The following SUSD5 variants were observed in gnomAD, a reference collection of about 807,000 sequenced individuals.
The protein encoded by SUSD5 is sushi domain-containing protein 5.
SUSD5 carries 33 observed loss-of-function variants against 29.5 expected under a neutral mutation model. That is an observed-to-expected ratio of 1.12 (90% CI 0.85 to 1.49). The LOEUF (loss-of-function observed/expected upper bound fraction) is 1.49. Among genes scored for constraint, SUSD5 ranks in the 40% most tolerant of loss-of-function variants. The probability of loss-of-function intolerance (pLI) is 0.00; values close to 1 mark genes in which losing one functional copy is unlikely to be tolerated. For missense variants in SUSD5, 776 were observed against 800.6 expected, an observed-to-expected ratio of 0.97 and a Z score of 0.37; for synonymous variants, 308 against 325.3, an observed-to-expected ratio of 0.95 and a Z score of 0.57.
intron 4 of SUSD5, among the ~76,000 whole-genome samples, chr3:33,154,361 A>G (rs1202214213): frequency 6.6e-6 from 1 of 152,106 alleles, no homozygotes; most frequent in Non-Finnish European, 1.5e-5. Context: ...CATCTCTAAT[A>G]AAATACAAAA....
At chr3:33,177,527 G>A (rs2031577835) in intron 3 of SUSD5, among the ~76,000 whole-genome samples, 1 of 151,408 alleles carries the variant, frequency 6.6e-6, no homozygotes, top group Admixed American at 6.6e-5. Context: ...TTGTTTTTTT[G>A]AGATAGGGTC....
rs963343091 is a variant in SUSD5 at position 33,204,261 on chromosome 3, C to G, written c.409+3547G>C. Among the ~76,000 whole-genome samples, 2 of 152,110 alleles carry G rather than the reference C, an allele frequency of 1.3e-5. No individual in the cohort carries two copies. The highest frequency in any genetic ancestry group is 2.9e-5 in the Non-Finnish European group (2 of 68,018). ...CAAACTTCTGGGCTCAAGTTATCCT[C>G]CAAAGTGTTGGGACTACAGGCATAA... On this transcript the variant is annotated intron_variant, in intron 3 of 4. Transcript: ENST00000309558. The surrounding 1 kb of genome is among the most constrained non-coding windows in gnomAD (Gnocchi z 4.5).
intron 4 of SUSD5, among the ~76,000 whole-genome samples, chr3:33,169,720 A>G (rs1026784082): frequency 2.6e-5 from 4 of 152,076 alleles, no homozygotes; most frequent in Non-Finnish European, 5.9e-5. Context: ...GAAGGGAAAA[A>G]CAAAAGCTGT....
intron 4 of SUSD5, among the ~76,000 whole-genome samples, chr3:33,164,598 T>C (rs2031266052): frequency 6.6e-6 from 1 of 152,202 alleles, no homozygotes; most frequent in Non-Finnish European, 1.5e-5. Context: ...GCAACTTACC[T>C]AACAGAAGAC....
At chr3:33,213,444 A>G (rs947536731) in intron 2 of SUSD5, among the ~76,000 whole-genome samples, 3 of 152,180 alleles carry the variant, frequency 2.0e-5, no homozygotes, top group African/African-American at 7.2e-5. Context: ...AAGTAAGGGG[A>G]TAAAAGAACT....
rs768025399 is a variant in SUSD5, at chr3:33,153,542, T to C, written c.1090A>G (p.Ser364Gly). Residue 364 changes from serine to glycine, a missense_variant, in exon 5 of 5, where the codon AGC becomes GGC. By Grantham distance (56) the Ser-to-Gly change is moderately conservative. Transcript: ENST00000309558. ...TCTAACCAGGACTCATCACTGCTGC[T>C]CACCACTGGATCTCCTGCCTTGCTG... ...NDSKAGDPVV[S>G]SSDESWLDGY... 1.9e-6 allele frequency: 3 copies of C among 1,614,028 alleles called. No homozygotes were observed. Among genetic ancestry groups the C allele is most frequent in the East Asian group, 4.5e-5 (2 of 44,874 alleles).
intron 3 of SUSD5, among the ~76,000 whole-genome samples, chr3:33,184,328 T>C (rs1453792370): frequency 1.3e-5 from 2 of 152,174 alleles, no homozygotes; most frequent in African/African-American, 4.8e-5. Context: ...TAGGGTTTTT[T>C]CCTCTAGATT....
At chr3:33,193,857 G>T (rs1013000940) in intron 3 of SUSD5, among the ~76,000 whole-genome samples, 1 of 152,024 alleles carries the variant, frequency 6.6e-6, no homozygotes, top group Non-Finnish European at 1.5e-5. Context: ...AAACAAAAAC[G>T]ATAATAGCCC....
intron 3 of SUSD5, 111 bp downstream of exon 3, chr3:33,207,697 A>G: frequency 1.5e-6 from 1 of 646,588 alleles, no homozygotes; most frequent in Non-Finnish European, 2.6e-6. Flanking sequence ...TTCCTGATAA[A>G]CCATGTCTAG....
At chr3:33,213,441 G>C (rs149843454) in intron 2 of SUSD5, among the ~76,000 whole-genome samples, 11 of 152,146 alleles carry the variant, frequency 7.2e-5, no homozygotes, top group African/African-American at 2.6e-4. Context: ...ACAAAGTAAG[G>C]GGATAAAAGA....
intron 4 of SUSD5, among the ~76,000 whole-genome samples, chr3:33,160,468 T>A (rs2031161442): frequency 6.6e-6 from 1 of 151,186 alleles, no homozygotes; most frequent in African/African-American, 2.4e-5. Flanking sequence ...GGCAGGAGGA[T>A]CACTTGAGCC....
At chr3:33,175,181 T>C in intron 3 of SUSD5, 107 bp from the exon 4 acceptor site, 1 of 1,187,766 alleles carries the variant, frequency 8.4e-7, no homozygotes, top group Non-Finnish European at 1.2e-6. Flanking sequence ...CACCGTACCC[T>C]CAACTGTGAT....
At chr3:33,198,926 A>G (rs943412655) in intron 3 of SUSD5, among the ~76,000 whole-genome samples, 1 of 152,210 alleles carries the variant, frequency 6.6e-6, no homozygotes, top group Non-Finnish European at 1.5e-5. Context: ...CATGGGCTAC[A>G]GGAATGTGAA....
chr3:33,218,027 G>T (rs557834600), intron 1 of SUSD5, among the ~76,000 whole-genome samples: 5 of 152,318 alleles, frequency 3.3e-5, no homozygotes, highest in African/African-American at 9.6e-5. Flanking sequence ...CCAAGCAAAC[G>T]AACAAGAAGT....
intron 4 of SUSD5, among the ~76,000 whole-genome samples, chr3:33,172,692 G>A (rs994009725): frequency 6.6e-5 from 10 of 152,234 alleles, no homozygotes; most frequent in Admixed American, 6.5e-4. Flanking sequence ...GTCCCAGTCT[G>A]TAACTTGTTA....
intron 3 of SUSD5, among the ~76,000 whole-genome samples, chr3:33,175,608 T>C (rs550148396): frequency 1.6e-4 from 25 of 152,122 alleles, no homozygotes; most frequent in Admixed American, 4.6e-4. Flanking sequence ...CACACATATA[T>C]ACAAATACAT....
rs565021360 is a variant in SUSD5, at chr3:33,167,622, T to C, written c.598+7264A>G. Among the ~76,000 whole-genome samples the C allele has an allele frequency of 6.6e-6, 1 of 152,324 alleles. No homozygotes were observed. Among genetic ancestry groups the C allele is most frequent in the African/African-American group, 2.4e-5 (1 of 41,574 alleles). ...CTGACTTAAAAACAGGTTGTCAGTA[T>C]ATCACAGTTTCCCCAAAACCTCAAA... On this transcript the variant is annotated intron_variant, in intron 4 of 4. Transcript: ENST00000309558. This position sits in a 1 kb window ranked among gnomAD's most constrained non-coding sequence, Gnocchi z 4.1.
At chr3:33,211,547 T>C (rs2032324066) in intron 2 of SUSD5, among the ~76,000 whole-genome samples, 1 of 152,234 alleles carries the variant, frequency 6.6e-6, no homozygotes, top group African/African-American at 2.4e-5. Flanking sequence ...TAGCCTCAGT[T>C]GTCCCTTTAT....
chr3:33,156,823 A>T (rs1401251205), intron 4 of SUSD5, among the ~76,000 whole-genome samples: 1 of 152,210 alleles, frequency 6.6e-6, no homozygotes, highest in Admixed American at 6.5e-5. Flanking sequence ...CAGAGTTATA[A>T]ATAAAAGTTA....
Sources: allele counts gnomAD v4.1 joint callset (sites outside exome capture counted in the v4.1 genomes callset), GRCh38; gene constraint gnomAD v4.1.1; non-coding constraint Gnocchi (gnomAD v3.1); transcripts MANE v1.5; gene names NCBI Gene and HGNC (gene_info 2026-07-23, HGNC 2026-07-21).